Variants in HSPG2 observed in about 807,000 individuals in gnomAD.
HSPG2 encodes heparan sulfate proteoglycan 2.
A neutral mutation model predicts 526.6 loss-of-function variants in HSPG2; 278 were observed. The ratio of observed to expected loss-of-function variants is 0.53; its 90% confidence interval spans 0.48 to 0.58. HSPG2 has a LOEUF of 0.58. Among genes scored for constraint, HSPG2 ranks in the 20% least tolerant of loss-of-function variants. The probability of loss-of-function intolerance (pLI) is 0.00; values close to 1 mark genes in which losing one functional copy is unlikely to be tolerated. For synonymous variants in HSPG2, 2,465 were observed against 2,555.4 expected (o/e 0.96, Z 1.07); for missense variants, 5,354 against 6,099.5 (o/e 0.88, Z 4.07).
intron 44 of HSPG2, among the ~76,000 whole-genome samples, chr1:21,856,259 C>T (rs1639333070): frequency 1.3e-5 from 2 of 152,196 alleles, no homozygotes; most frequent in African/African-American, 2.4e-5. Flanking sequence ...GCCTCAGGGC[C>T]TTGCCATGTG....
rs757410321 is a variant in HSPG2, at chr1:21,865,289, C to A, written c.4391G>T (p.Arg1464Leu). Reference protein sequence around the residue: ...PERRSYEIMFREEFWRRPDGQ... With the variant: ...PERRSYEIMFLEEFWRRPDGQ... Reference sequence around the variant, plus strand: ...GCATGGCCAGGTGCCCCTTACCTCTCGGAACATGATCTCGTAGCTCCTCCT... The same window carrying A: ...GCATGGCCAGGTGCCCCTTACCTCTAGGAACATGATCTCGTAGCTCCTCCT... The change falls in exon 35 of 97, where the codon CGA becomes CTA. Residue 1464 changes from arginine to leucine, a missense_variant. Physicochemically the swap from Arg to Leu is moderately radical, Grantham distance 102. Coordinates refer to ENST00000374695, the MANE Select transcript of HSPG2 (RefSeq NM_005529.7). This position sits in a 1 kb window ranked among gnomAD's most constrained non-coding sequence, Gnocchi z 5.4. 6.2e-7 allele frequency: 1 copy of A among 1,613,994 alleles called. No homozygotes were observed. Among genetic ancestry groups the A allele is most frequent in the South Asian group, 1.1e-5 (1 of 91,068 alleles).
chr1:21,889,744 A>G, intron 6 of HSPG2: 1 of 578,366 alleles, frequency 1.7e-6, no homozygotes, highest in Non-Finnish European at 3.2e-6. Flanking sequence ...CCTATTGTCA[A>G]TGTGCAGAGG....
intron 64 of HSPG2, among the ~76,000 whole-genome samples, chr1:21,845,075 G>C (rs1339346200): frequency 6.6e-6 from 1 of 152,056 alleles, no homozygotes; most frequent in South Asian, 2.1e-4. Flanking sequence ...GTGAAACCCC[G>C]TCTCTACTAA....
Position 21,839,913 on chromosome 1 carries a change from G to A in HSPG2, c.9618C>T (p.Ala3206=), listed in dbSNP as rs1240906452. ...GGACCTGAGGGGCCCCTGGGGCCAT[G>A]GCGCCCGTGTCCACGATCACCTCCA... is the stretch of plus-strand genomic sequence containing the variant. The part of the protein sequence containing the change: ...KQVEVIVDTG[A]MAPGAPQVQA... The change falls in exon 72 of 97, where the codon GCC becomes GCT. Residue 3206 remains alanine, a synonymous_variant. Transcript: ENST00000374695. The surrounding 1 kb of genome is among the most constrained non-coding windows in gnomAD (Gnocchi z 4.5). The A allele has an allele frequency of 1.2e-6, 2 of 1,614,050 alleles. No individual in the cohort carries two copies. Among genetic ancestry groups the A allele is most frequent in the Admixed American group, 1.7e-5 (1 of 59,980 alleles).
intron 13 of HSPG2, among the ~76,000 whole-genome samples, chr1:21,881,979 A>C (rs1641553728): frequency 6.6e-6 from 1 of 151,888 alleles, no homozygotes; most frequent in Admixed American, 6.6e-5. Flanking sequence ...GAAAAGAAAA[A>C]GAAAATGCAG....
At chr1:21,935,796 G>A (rs1644473512) in intron 1 of HSPG2, among the ~76,000 whole-genome samples, 1 of 152,232 alleles carries the variant, frequency 6.6e-6, no homozygotes, top group African/African-American at 2.4e-5. Flanking sequence ...AGGAGTGCAA[G>A]TTCAGGTCAA....
Position 21,848,747 on chromosome 1 carries a change from G to T in HSPG2, c.7633C>A (p.Leu2545Met), listed in dbSNP as rs1176123673. 3 of 1,613,858 alleles carry T rather than the reference G, an allele frequency of 1.9e-6. No individual in the cohort carries two copies. The highest frequency in any genetic ancestry group is 2.2e-5 in the East Asian group (1 of 44,876). ...PVRIESSSAS[L>M]ANGHTLDLNC... Reference sequence around the variant, plus strand: ...AGGTCCAGGGTGTGTCCATTGGCCAGGGAGGCTGAGGAGGACTCGATGCGG... The same window carrying T: ...AGGTCCAGGGTGTGTCCATTGGCCATGGAGGCTGAGGAGGACTCGATGCGG... Residue 2545 changes from leucine to methionine, a missense_variant, in exon 59 of 97, where the codon CTG becomes ATG. Coordinates refer to ENST00000374695, the MANE Select transcript of HSPG2 (RefSeq NM_005529.7). The surrounding 1 kb of genome is among the most constrained non-coding windows in gnomAD (Gnocchi z 4.9).
At chr1:21,911,088 A>G (rs771857571) in intron 1 of HSPG2, among the ~76,000 whole-genome samples, 7 of 152,208 alleles carry the variant, frequency 4.6e-5, no homozygotes, top group Non-Finnish European at 8.8e-5. Context: ...GTGTGACTTC[A>G]AGCAAGTTGC....
At chr1:21,931,600 T>C (rs921922370) in intron 1 of HSPG2, among the ~76,000 whole-genome samples, 7 of 152,186 alleles carry the variant, frequency 4.6e-5, no homozygotes, top group African/African-American at 1.7e-4. Flanking sequence ...TGGGACTGGA[T>C]TGGGTGAAGG....
intron 3 of HSPG2, among the ~76,000 whole-genome samples, chr1:21,894,468 G>C (rs1256241064): frequency 6.6e-6 from 1 of 152,170 alleles, no homozygotes; most frequent in Non-Finnish European, 1.5e-5. Flanking sequence ...CCCAAGGGCA[G>C]CTGGCAGGAG....
At chr1:21,849,217 C>T (rs1022720252) in intron 57 of HSPG2, among the ~76,000 whole-genome samples, 186 bp from the exon 58 acceptor site, 9 of 152,232 alleles carry the variant, frequency 5.9e-5, no homozygotes, top group African/African-American at 2.2e-4. Context: ...TCTAGCGTCC[C>T]ACCTCACCCA....
In HSPG2 at chr1:21,833,893, G is replaced by C; in HGVS notation, c.10753C>G (p.Arg3585Gly). ...LPQISMPQEV[R>G]VPAGSAAVFP... ...ACAGCTGCAGAACCAGCAGGCACACGGACTTCTTGGGGCATTGAGATCTGG... is the reference window on the plus strand; with the variant it reads ...ACAGCTGCAGAACCAGCAGGCACACCGACTTCTTGGGGCATTGAGATCTGG... Residue 3585 changes from arginine to glycine, a missense_variant, in exon 78 of 97, where the codon CGT becomes GGT. Coordinates refer to ENST00000374695, the MANE Select transcript of HSPG2 (RefSeq NM_005529.7). 1 of 1,596,744 alleles carries C rather than the reference G, an allele frequency of 6.3e-7. No homozygotes were observed.
rs1434815844 is a variant in HSPG2, at chr1:21,823,291, G to A, written c.*25C>T. On this transcript the variant is annotated 3_prime_UTR_variant, in exon 97 of 97. Transcript: ENST00000374695. ...ATTGTCGGGCTGGGGCGTGGCCCGG[G>A]AGTCCGTGTGGGGCAGGCAGGTGCC... 10 of 1,494,130 alleles carry A rather than the reference G, an allele frequency of 6.7e-6. No individual in the cohort carries two copies. The East Asian group carries it at 9.9e-5, about 15-fold the overall frequency. The allele number at this position is 1,494,130 out of a possible 1,614,324, so 92.6% of individuals were successfully genotyped here. A position where few individuals can be genotyped will look rare whatever the true frequency, so the allele number is the denominator to read the frequency against.
intron 1 of HSPG2, among the ~76,000 whole-genome samples, chr1:21,903,173 T>G (rs1643189613): frequency 6.6e-6 from 1 of 152,134 alleles, no homozygotes; most frequent in African/African-American, 2.4e-5. Context: ...CAGTTCCCAT[T>G]AATACGACAG....
rs767431377 is a variant in HSPG2, at chr1:21,823,333, G to T, written c.13159C>A (p.Arg4387Ser). The change falls in exon 97 of 97, where the codon CGC becomes AGC. Residue 4387 changes from arginine to serine, a missense_variant. Coordinates refer to ENST00000374695, the MANE Select transcript of HSPG2 (RefSeq NM_005529.7). ...GCAGGTGCCTACGAGGGGCAGGGGC[G>T]TGTGTTGGCCCCGGCCTGGGCGCGG... ...QHRAQAGANT[R>S]PCPS 1.1e-5 allele frequency: 17 copies of T among 1,541,268 alleles called. No individual in the cohort carries two copies. The East Asian group carries it at 4.1e-4, about 38-fold the overall frequency.
Position 21,878,268 on chromosome 1 carries a change from G to C in HSPG2, c.2618-15C>G. 6.2e-7 allele frequency: 1 copy of C among 1,613,604 alleles called. No homozygotes were observed. The highest frequency in any genetic ancestry group is 8.5e-7 in the Non-Finnish European group (1 of 1,179,782). ...AATCTCCTGGTCTGGGACACAAAAC[G>C]AGTGTTGGCAGGGCAGGTGGGAATG... On this transcript the variant is annotated splice_polypyrimidine_tract_variant and intron_variant, in intron 20 of 96. Transcript: ENST00000374695.
intron 1 of HSPG2, among the ~76,000 whole-genome samples, chr1:21,929,035 C>T (rs1216581126): frequency 6.6e-6 from 1 of 152,206 alleles, no homozygotes; most frequent in Admixed American, 6.5e-5. Context: ...GCTGGGATTA[C>T]AGGTTGTGAG....
chr1:21,851,964 C>A (rs557060137), intron 53 of HSPG2, 38 bp from the exon 54 acceptor site: 2 of 1,605,264 alleles, frequency 1.2e-6, no homozygotes, highest in Admixed American at 3.4e-5. Context: ...GGGGGCTTCC[C>A]GGAGGCCAGC....
Position 21,839,745 on chromosome 1 carries a change from T to C in HSPG2, c.9709+77A>G, listed in dbSNP as rs562438425. ...CCACCCCTGGGCATGACATCATCTCTAGATCACATGTGTCTACATTTCAGA... is the reference window on the plus strand; with the variant it reads ...CCACCCCTGGGCATGACATCATCTCCAGATCACATGTGTCTACATTTCAGA... On this transcript the variant is annotated intron_variant, in intron 72 of 96. Transcript: ENST00000374695. This position sits in a 1 kb window ranked among gnomAD's most constrained non-coding sequence, Gnocchi z 4.5. The C allele has an allele frequency of 4.6e-6, 7 of 1,512,372 alleles. No individual in the cohort carries two copies. The highest frequency in any genetic ancestry group is 6.4e-6 in the Non-Finnish European group (7 of 1,100,224). The allele number at this position is 1,512,372 out of a possible 1,614,324, so 93.7% of individuals were successfully genotyped here.
Sources: gnomAD v4.1 joint callset for allele counts (sites outside exome capture counted in the v4.1 genomes callset) on GRCh38, gnomAD v4.1.1 for gene constraint, Gnocchi (gnomAD v3.1) non-coding constraint, MANE v1.5 for transcripts, NCBI Gene and HGNC (gene_info 2026-07-23, HGNC 2026-07-21) for gene names.